Variants in ABCB10 observed in about 807,000 individuals in gnomAD.
ABCB10 encodes ATP-binding cassette sub-family B member 10, mitochondrial.
Under a neutral mutation model 65.4 loss-of-function variants are expected in ABCB10, and 54 were observed. That is an observed-to-expected ratio of 0.83 (90% CI 0.66 to 1.04). The LOEUF is 1.04. ABCB10 is among the 50% of genes least tolerant of loss of function. The pLI is 0.00. For synonymous variants in ABCB10, 418 were observed against 406.5 expected (o/e 1.03, Z -0.34); for missense variants, 846 against 976.6 (o/e 0.87, Z 1.78).
At position 229,516,812 on chromosome 1, in the gene ABCB10, GTACTGTT is replaced by G. The variant is rs2102796673; in HGVS notation, c.*1360_*1366del. On this transcript the variant is annotated 3_prime_UTR_variant, in exon 13 of 13. Transcript: ENST00000344517. ...CTTGTTAAAAATGATTGTCACAGATGTACTGTTTACTAATTCAAAGAACACTATATTC... is the reference window on the plus strand; with the variant it reads ...CTTGTTAAAAATGATTGTCACAGATGTACTAATTCAAAGAACACTATATTC... The G allele has an allele frequency of 6.6e-6, 1 of 152,238 alleles. No individual in the cohort carries two copies. Among genetic ancestry groups the G allele is most frequent in the East Asian group, 1.9e-4 (1 of 5,182 alleles). The allele number at this position is 152,238 out of a possible 1,614,324, so 9.4% of individuals were successfully genotyped here.
At chr1:229,525,873 A>T in intron 10 of ABCB10, 63 bp downstream of exon 10, 1 of 1,526,118 alleles carries the variant, frequency 6.6e-7, no homozygotes, top group South Asian at 1.3e-5. Flanking sequence ...CAAAAAAAAC[A>T]AGAAACATGT....
chr1:229,542,990 G>T (rs191619597), intron 3 of ABCB10, among the ~76,000 whole-genome samples: 3 of 152,156 alleles, frequency 2.0e-5, no homozygotes, highest in African/African-American at 4.8e-5. Context: ...AATTAGCTGG[G>T]TGTTGGGGCA....
intron 1 of ABCB10, among the ~76,000 whole-genome samples, chr1:229,551,212 C>G (rs1466527471): frequency 6.6e-6 from 1 of 152,154 alleles, no homozygotes; most frequent in Non-Finnish European, 1.5e-5. Context: ...AAAAATTGCT[C>G]TTGCCCCTCC....
At chr1:229,530,082 A>T in intron 8 of ABCB10, 117 bp downstream of exon 8, 2 of 1,033,096 alleles carry the variant, frequency 1.9e-6, no homozygotes, top group Non-Finnish European at 2.9e-6. Flanking sequence ...TGGCACTTAG[A>T]AAAGAAGGTA....
chr1:229,531,563 CAG>C, intron 7 of ABCB10, 71 bp downstream of exon 7: 1 of 1,440,908 alleles, frequency 6.9e-7, no homozygotes, highest in South Asian at 1.2e-5. Context: ...CCCTTGCAGA[CAG>C]GGGAAGAGCT....
In ABCB10 at chr1:229,518,099, G is replaced by A; in HGVS notation, c.*80C>T. 2 of 997,600 alleles carry A rather than the reference G, an allele frequency of 2.0e-6. No individual in the cohort carries two copies. The highest frequency in any genetic ancestry group is 3.0e-5 in the South Asian group (2 of 66,728). 61.8% of individuals were successfully genotyped at this position (997,600 alleles called of 1,614,324 possible). A position where few individuals can be genotyped will look rare whatever the true frequency, so the allele number is the denominator to read the frequency against. On this transcript the variant is annotated 3_prime_UTR_variant, in exon 13 of 13. Transcript: ENST00000344517. Reference sequence around the variant, plus strand: ...TCAAATAACTTGATATATGGTTTATGTATTTCATAGTCTCTGAGTTTTTTT... The same window carrying A: ...TCAAATAACTTGATATATGGTTTATATATTTCATAGTCTCTGAGTTTTTTT...
At chr1:229,524,553 C>T (rs1662388146) in intron 10 of ABCB10, among the ~76,000 whole-genome samples, 1 of 152,106 alleles carries the variant, frequency 6.6e-6, no homozygotes. Context: ...TAAAGTTCTA[C>T]TCATTGGTTC....
At position 229,527,263 on chromosome 1, in the gene ABCB10, A is replaced by C. The variant is rs777591518; in HGVS notation, c.1691T>G (p.Val564Gly). 6 of 1,613,900 alleles carry C rather than the reference A, an allele frequency of 3.7e-6. No individual in the cohort carries two copies. Among genetic ancestry groups the C allele is most frequent in the Non-Finnish European group, 5.1e-6 (6 of 1,179,858 alleles). The change falls in exon 9 of 13, where the codon GTG becomes GGG. Residue 564 changes from valine (V) to glycine (G), a missense_variant. Physicochemically the swap from Val to Gly is moderately radical, Grantham distance 109 (BLOSUM62 -3). Coordinates refer to ENST00000344517, the MANE Select transcript of ABCB10 (RefSeq NM_012089.3). Reference protein sequence around the residue: ...DGHDIRQLNPVWLRSKIGTVS... With the variant: ...DGHDIRQLNPGWLRSKIGTVS... ...TGTCCCAATTTTGGATCTCAGCCAC[A>C]CTGGGTTTAGCTGACGGATGTCATG...
At chr1:229,522,455 C>T (rs755124103) in intron 10 of ABCB10, among the ~76,000 whole-genome samples, 21 of 152,182 alleles carry the variant, frequency 1.4e-4, no homozygotes, top group Non-Finnish European at 2.8e-4. Context: ...ATCCTCCTGC[C>T]TTGGTCTCCC....
chr1:229,535,938 C>A (rs1015571626), intron 6 of ABCB10, among the ~76,000 whole-genome samples: 1 of 152,078 alleles, frequency 6.6e-6, no homozygotes, highest in Non-Finnish European at 1.5e-5. Context: ...GTTGGCCAGG[C>A]TGGTCTCGAA....
chr1:229,529,818 G>A (rs1024794244), intron 8 of ABCB10, among the ~76,000 whole-genome samples: 3 of 152,114 alleles, frequency 2.0e-5, no homozygotes, highest in Non-Finnish European at 4.4e-5. Flanking sequence ...ACTGGCACAC[G>A]GTGGTTCTCC....
At chr1:229,539,355 A>G (rs1259647176) in intron 6 of ABCB10, 101 bp downstream of exon 6, 34 of 1,487,274 alleles carry the variant, frequency 2.3e-5, no homozygotes, top group Non-Finnish European at 3.0e-5. Context: ...ATGCTTTTTC[A>G]GTGGAAGTTA....
chr1:229,519,013 C>A, intron 11 of ABCB10, 138 bp from the exon 12 acceptor site: 1 of 645,754 alleles, frequency 1.5e-6, no homozygotes, highest in Non-Finnish European at 2.6e-6. Flanking sequence ...GTGAAAGAAG[C>A]CAGACACAAA....
chr1:229,552,423 G>A (rs1388466034), intron 1 of ABCB10, among the ~76,000 whole-genome samples: 1 of 152,062 alleles, frequency 6.6e-6, no homozygotes, highest in Non-Finnish European at 1.5e-5. Flanking sequence ...TGCCTGATGC[G>A]GCCCCAGCAA....
chr1:229,527,595 C>T (rs900748438), intron 8 of ABCB10, among the ~76,000 whole-genome samples: 1 of 152,150 alleles, frequency 6.6e-6, no homozygotes, highest in African/African-American at 2.4e-5. Context: ...GGGAGTTTTC[C>T]CAAAACTCCC....
intron 11 of ABCB10, 98 bp downstream of exon 11, chr1:229,521,493 AC>A: frequency 7.0e-7 from 1 of 1,435,004 alleles, no homozygotes; most frequent in South Asian, 1.3e-5. Flanking sequence ...AAAACAAAAA[AC>A]AGGAAAAGGA....
intron 1 of ABCB10, 56 bp downstream of exon 1, chr1:229,558,080 C>A: frequency 7.7e-7 from 1 of 1,290,864 alleles, no homozygotes. Flanking sequence ...GCCCCGGGAC[C>A]CCGCGTGTGG....
chr1:229,549,808 T>C (rs1663063397), intron 1 of ABCB10: 1 of 238,956 alleles, frequency 4.2e-6, no homozygotes, highest in Non-Finnish European at 8.4e-6. Flanking sequence ...ATTCATGCTA[T>C]ACATGCTATA....
chr1:229,522,551 T>C (rs1353568486), intron 10 of ABCB10, among the ~76,000 whole-genome samples: 1 of 152,214 alleles, frequency 6.6e-6, no homozygotes, highest in Non-Finnish European at 1.5e-5. Flanking sequence ...CCTATAATTA[T>C]TCCCATTTTA....
Sources: gnomAD v4.1 joint callset for allele counts (sites outside exome capture counted in the v4.1 genomes callset) on GRCh38, gnomAD v4.1.1 for gene constraint, MANE v1.5 for transcripts, NCBI Gene and HGNC (gene_info 2026-07-23, HGNC 2026-07-21) for gene names.